RP2: variants seen among roughly 807,000 people sequenced by gnomAD.
RP2 encodes the protein protein XRP2.
In RP2, 3 loss-of-function variants were observed where a neutral mutation model predicts 20.3. That is an observed-to-expected ratio of 0.15 (90% CI 0.07 to 0.38). The LOEUF (loss-of-function observed/expected upper bound fraction) is 0.38. Ranked by LOEUF, RP2 falls within the 10% of genes least tolerant of loss-of-function variation. The pLI is 1.00. For missense variants in RP2, 233 were observed against 268.5 expected (o/e 0.87, Z 0.92); for synonymous variants, 75 against 94.8 (o/e 0.79, Z 1.22).
intron 1 of RP2, among the ~76,000 whole-genome samples, chrX:46,843,012 T>G (rs1924651480): frequency 9.7e-6 from 1 of 102,610 alleles, no homozygotes; most frequent in Admixed American, 1.0e-4. Flanking sequence ...TAACTTTTTT[T>G]TTTTTTTTTT....
chrX:46,871,513 G>A (rs781914499), intron 3 of RP2, among the ~76,000 whole-genome samples: 10 of 112,551 alleles, frequency 8.9e-5, no homozygotes, highest in African/African-American at 3.2e-4. Flanking sequence ...GATTGCCCAA[G>A]TGTATTTCTA....
At chrX:46,857,903 A>G (rs1401756871) in intron 2 of RP2, among the ~76,000 whole-genome samples, 2 of 112,447 alleles carry the variant, frequency 1.8e-5, no homozygotes, top group East Asian at 5.5e-4. Flanking sequence ...TTTATTTTAC[A>G]GTCATCTGGC....
intron 2 of RP2, among the ~76,000 whole-genome samples, chrX:46,857,339 A>T (rs1459880476): frequency 9.0e-6 from 1 of 111,541 alleles, no homozygotes; most frequent in Admixed American, 9.5e-5. Context: ...AGGCGGGTGG[A>T]TCACGAGGTC....
intron 1 of RP2, among the ~76,000 whole-genome samples, chrX:46,847,744 A>ATATGTGTGTGTGTATATACACACATG (rs1924754287): frequency 1.2e-5 from 1 of 81,529 alleles, no homozygotes; most frequent in Non-Finnish European, 2.4e-5. Flanking sequence ...ATACACACAT[A>ATATGTGTGTGTGTATATACACACATG]TGTGTGTGTG....
intron 3 of RP2, among the ~76,000 whole-genome samples, chrX:46,864,776 G>C (rs1397283901): frequency 8.9e-6 from 1 of 111,769 alleles, no homozygotes; most frequent in African/African-American, 3.3e-5. Flanking sequence ...TGTACCCTTG[G>C]AATGTTCCTT....
intron 3 of RP2, 151 bp from the exon 4 acceptor site, chrX:46,877,354 T>A (rs1276470009): frequency 2.1e-6 from 1 of 478,011 alleles, no homozygotes; most frequent in East Asian, 3.7e-5. Context: ...AAGAAGCAGC[T>A]GAGGTGATAT....
intron 1 of RP2, among the ~76,000 whole-genome samples, chrX:46,847,807 TACACAC>T (rs782344322): frequency 9.0e-4 from 83 of 92,170 alleles, no homozygotes; most frequent in African/African-American, 3.3e-3. Flanking sequence ...TGTATATATA[TACACAC>T]ATATATGTGT....
At chrX:46,866,248 G>T (rs190712345) in intron 3 of RP2, among the ~76,000 whole-genome samples, 49 of 111,730 alleles carry the variant, frequency 4.4e-4, no homozygotes, top group African/African-American at 1.6e-3. Flanking sequence ...CCATGATCTG[G>T]GTGCTAGGTG....
chrX:46,849,377 C>T lies in RP2; in HGVS notation c.103-4099C>T, dbSNP rs138261168. The stretch of plus-strand genomic sequence containing the variant: ...AGCTAAGGGTTTTTGTGTTTTTTTA[C>T]CCCCCTTCCACCAACTCACTTCAAA... On this transcript the variant is annotated intron_variant, in intron 1 of 4. Coordinates refer to ENST00000218340, the MANE Select transcript of RP2 (RefSeq NM_006915.3). Among the ~76,000 whole-genome samples, 933 of 108,986 alleles carry T rather than the reference C, an allele frequency of 8.6e-3. 15 individuals carry two copies. Among genetic ancestry groups the T allele is most frequent in the African/African-American group, 0.029 (879 of 29,939 alleles). 94.6% of individuals were successfully genotyped at this position (108,986 alleles called of 115,157 possible). A position where few individuals can be genotyped will look rare whatever the true frequency, so the allele number is the denominator to read the frequency against.
intron 3 of RP2, among the ~76,000 whole-genome samples, chrX:46,862,017 A>C (rs1195324675): frequency 1.8e-5 from 2 of 112,172 alleles, no homozygotes; most frequent in African/African-American, 3.2e-5. Context: ...CCCCAATGTA[A>C]TAATTATTTC....
intron 3 of RP2, among the ~76,000 whole-genome samples, chrX:46,864,588 T>G (rs1380350100): frequency 9.1e-6 from 1 of 110,338 alleles, no homozygotes; most frequent in African/African-American, 3.3e-5. Flanking sequence ...TTTTTGTATT[T>G]TTTGTAGAGA....
chrX:46,870,197 T>A, intron 3 of RP2, among the ~76,000 whole-genome samples: 1 of 111,041 alleles, frequency 9.0e-6, no homozygotes, highest in African/African-American at 3.3e-5. Context: ...AACCTCAAAC[T>A]CATGGGCTCA....
intron 2 of RP2, among the ~76,000 whole-genome samples, chrX:46,856,134 T>C (rs1924955431): frequency 9.0e-6 from 1 of 111,655 alleles, no homozygotes. Flanking sequence ...AGTATGGTGA[T>C]TTAAAAAAAA....
At chrX:46,842,841 A>G (rs947571740) in intron 1 of RP2, among the ~76,000 whole-genome samples, 1 of 111,361 alleles carries the variant, frequency 9.0e-6, no homozygotes, top group Non-Finnish European at 1.9e-5. Context: ...TTATTTATCT[A>G]TTCATCAGCT....
At chrX:46,878,838 A>G (rs781821811) in intron 4 of RP2, among the ~76,000 whole-genome samples, 11 of 110,824 alleles carry the variant, frequency 9.9e-5, no homozygotes, top group Admixed American at 2.9e-4. Flanking sequence ...AATAGAACCC[A>G]CATCTGCTCT....
rs782624389 is a variant in RP2, at chrX:46,862,436, A to G, written c.883+2334A>G. Among the ~76,000 whole-genome samples, 398 of 110,269 alleles carry G rather than the reference A, an allele frequency of 3.6e-3. 1 individual carries two copies. Among genetic ancestry groups the G allele is most frequent in the Non-Finnish European group, 6.3e-3 (332 of 52,739 alleles). ...AACACTTTGGGAGGCCAAGGCGGGC[A>G]GATCACAAGGTCAGGAGATCAAGAC... On this transcript the variant is annotated intron_variant, in intron 3 of 4. Transcript: ENST00000218340.
chrX:46,860,356 CTTA>C (rs1439463721), intron 3 of RP2, among the ~76,000 whole-genome samples: 1 of 109,770 alleles, frequency 9.1e-6, no homozygotes. Context: ...TATTATGTAT[CTTA>C]TTATCATTTT....
chrX:46,871,521 C>T (rs782307820), intron 3 of RP2, among the ~76,000 whole-genome samples: 21 of 112,278 alleles, frequency 1.9e-4, no homozygotes, highest in Non-Finnish European at 3.4e-4. Flanking sequence ...AAGTGTATTT[C>T]TATTATTGAT....
intron 3 of RP2, among the ~76,000 whole-genome samples, chrX:46,864,232 G>T (rs782376134): frequency 9.0e-6 from 1 of 111,623 alleles, no homozygotes; most frequent in East Asian, 2.8e-4. Flanking sequence ...AGCCCAGGGA[G>T]GTTGAGGCTG....
Sources: allele counts gnomAD v4.1 joint callset (sites outside exome capture counted in the v4.1 genomes callset), GRCh38; gene constraint gnomAD v4.1.1; transcripts MANE v1.5; gene names NCBI Gene and HGNC (gene_info 2026-07-23, HGNC 2026-07-21).